The following SEC63 variants were observed in gnomAD, a reference collection of about 807,000 sequenced individuals.
SEC63 encodes translocation protein SEC63 homolog.
A neutral mutation model predicts 116.2 loss-of-function variants in SEC63; 56 were observed. The observed-to-expected ratio is 0.48, with a 90% CI of 0.39 to 0.60. The LOEUF is 0.60. Among genes scored for constraint, SEC63 ranks in the 20% least tolerant of loss-of-function variants. SEC63 has a pLI of 0.00. For missense variants in SEC63, 668 were observed against 900.0 expected (o/e 0.74, Z 3.30); for synonymous variants, 273 against 294.6 (o/e 0.93, Z 0.75).
intron 16 of SEC63, among the ~76,000 whole-genome samples, chr6:107,883,971 C>T (rs147457959): frequency 2.0e-4 from 31 of 151,990 alleles, no homozygotes; most frequent in African/African-American, 6.3e-4. Flanking sequence ...CAGAAACAGG[C>T]GGGACGCAGT....
chr6:107,916,965 C>T (rs754092096), intron 4 of SEC63, among the ~76,000 whole-genome samples: 5 of 152,196 alleles, frequency 3.3e-5, no homozygotes, highest in Admixed American at 6.5e-5. Flanking sequence ...TGGCCATAAA[C>T]TGGCCCCAAG....
intron 8 of SEC63, 34 bp from the exon 9 acceptor site, chr6:107,906,811 A>G (rs770732338): frequency 1.4e-6 from 2 of 1,471,074 alleles, no homozygotes; most frequent in East Asian, 2.3e-5. Flanking sequence ...AGGTAAATAA[A>G]TATGCTCATT....
chr6:107,911,013 T>C (rs1787271969), intron 7 of SEC63, among the ~76,000 whole-genome samples: 1 of 152,024 alleles, frequency 6.6e-6, no homozygotes. Flanking sequence ...GCCCGGTCAG[T>C]TGTGGGTAAT....
At chr6:107,889,242 G>A (rs1247848425) in intron 16 of SEC63, among the ~76,000 whole-genome samples, 6 of 152,010 alleles carry the variant, frequency 3.9e-5, no homozygotes, top group Admixed American at 3.3e-4. Flanking sequence ...TGGTTGGTAG[G>A]GTATTAATTG....
At chr6:107,910,554 T>C (rs541363403) in intron 7 of SEC63, among the ~76,000 whole-genome samples, 4 of 149,914 alleles carry the variant, frequency 2.7e-5, no homozygotes, top group South Asian at 4.2e-4. Context: ...TATACATATA[T>C]GCATGTCATA....
At chr6:107,910,882 G>C (rs1003758334) in intron 7 of SEC63, among the ~76,000 whole-genome samples, 6 of 151,758 alleles carry the variant, frequency 4.0e-5, no homozygotes, top group African/African-American at 1.2e-4. Flanking sequence ...CAGCATGTCT[G>C]ACTAATTTTG....
intron 1 of SEC63, among the ~76,000 whole-genome samples, chr6:107,954,191 A>T (rs1001924230): frequency 6.6e-6 from 1 of 152,116 alleles, no homozygotes; most frequent in African/African-American, 2.4e-5. Context: ...TCTCTGAAAC[A>T]TGTGCTGTGT....
Position 107,871,182 on chromosome 6 carries a change from G to A in SEC63, c.*522C>T, listed in dbSNP as rs1786124445. 1 of 158,008 alleles carries A rather than the reference G, an allele frequency of 6.3e-6. No homozygotes were observed. The allele number at this position is 158,008 out of a possible 1,614,324, so 9.8% of individuals were successfully genotyped here. A position where few individuals can be genotyped will look rare whatever the true frequency, so the allele number is the denominator to read the frequency against. On this transcript the variant is annotated 3_prime_UTR_variant, in exon 21 of 21. Transcript: ENST00000369002. ...GAATGCCAACTTATGACCAAGATAA[G>A]TAAAAATAAAAGTTTAAATCTATGA...
intron 3 of SEC63, among the ~76,000 whole-genome samples, chr6:107,924,606 T>C (rs1787632824): frequency 6.6e-6 from 1 of 152,180 alleles, no homozygotes; most frequent in Non-Finnish European, 1.5e-5. Context: ...AATATTCTTA[T>C]ATTTTAGCAA....
At position 107,908,913 on chromosome 6, in the gene SEC63, TAA is replaced by T. The variant is rs1193510080; in HGVS notation, c.733+12_733+13del. On this transcript the variant is annotated intron_variant, in intron 8 of 20. Transcript: ENST00000369002. ...CAATGTGATTAATAGCAAAGTTACTTAAAGTTTACTTACGTTTCATATCCATA... is the reference window on the plus strand; with the variant it reads ...CAATGTGATTAATAGCAAAGTTACTTAGTTTACTTACGTTTCATATCCATA... The T allele has an allele frequency of 6.7e-7, 1 of 1,500,618 alleles. No homozygotes were observed. The allele number at this position is 1,500,618 out of a possible 1,614,324, so 93.0% of individuals were successfully genotyped here.
At chr6:107,912,354 A>T in intron 6 of SEC63, among the ~76,000 whole-genome samples, 1 of 152,148 alleles carries the variant, frequency 6.6e-6, no homozygotes, top group East Asian at 1.9e-4. Context: ...GCAGGCAGAT[A>T]ACTTGAGGTC....
rs199595843 is a variant in SEC63 at position 107,881,222 on chromosome 6, T to C, written c.1862A>G (p.Gln621Arg). ...TTCCAATAGAGCTCTCTCTTTTCGC[T>C]GTATGCTTTGTTGTAATTCTTGCCA... is the stretch of plus-strand genomic sequence containing the variant. ...AEWQELQQSI[Q>R]RKERALLETK... Residue 621 changes from glutamine (Q) to arginine (R), a missense_variant, in exon 18 of 21, where the codon CAG becomes CGG. By Grantham distance (43) the Gln-to-Arg change is conservative (BLOSUM62 1). This residue lies in a region of SEC63 where 430 missense variants were observed against 557.5 expected (regional missense o/e 0.77). Transcript: ENST00000369002. 1.2e-6 allele frequency: 2 copies of C among 1,612,898 alleles called. No individual in the cohort carries two copies. The highest frequency in any genetic ancestry group is 1.7e-6 in the Non-Finnish European group (2 of 1,179,494).
Position 107,922,757 on chromosome 6 carries a change from G to GA in SEC63, c.340-849dup, listed in dbSNP as rs1380617512. On this transcript the variant is annotated intron_variant, in intron 3 of 20. Transcript: ENST00000369002. ...TTAATGACTATGATCAATGCAATAA[G>GA]AAAAAAATCACATGATATGTAAACT... 1.1e-4 allele frequency among the ~76,000 whole-genome samples: 16 copies of GA among 151,852 alleles called. No homozygotes were observed. The East Asian group carries it at 1.9e-3, about 18-fold the overall frequency.
intron 1 of SEC63, among the ~76,000 whole-genome samples, chr6:107,945,721 A>T (rs1770469255): frequency 6.6e-6 from 1 of 152,188 alleles, no homozygotes; most frequent in Non-Finnish European, 1.5e-5. Flanking sequence ...AAACATTTTT[A>T]AAAGGAAGTC....
chr6:107,886,491 T>C (rs1786532062), intron 16 of SEC63, among the ~76,000 whole-genome samples: 1 of 152,240 alleles, frequency 6.6e-6, no homozygotes, highest in African/African-American at 2.4e-5. Context: ...AAAGTGTTTC[T>C]ATTTCTCCAC....
chr6:107,916,528 T>C (rs1007824285), intron 4 of SEC63, among the ~76,000 whole-genome samples: 3 of 152,256 alleles, frequency 2.0e-5, no homozygotes, highest in Non-Finnish European at 4.4e-5. Context: ...TATAACTTAG[T>C]ATGCTATTGC....
chr6:107,876,054 A>C lies in SEC63; in HGVS notation c.2034+510T>G, dbSNP rs75976434. Among the ~76,000 whole-genome samples the C allele has an allele frequency of 1.2e-3, 184 of 152,296 alleles. 4 individuals are homozygous for C. The East Asian group carries it at 0.028, about 23-fold the overall frequency. On this transcript the variant is annotated intron_variant, in intron 19 of 20. Coordinates refer to ENST00000369002, the MANE Select transcript of SEC63 (RefSeq NM_007214.5). Reference sequence around the variant, plus strand: ...GACAGAACCTTCTTCCTAGAAAAAAAACACACACACAAAAAAAACATGAAA... The same window carrying C: ...GACAGAACCTTCTTCCTAGAAAAAACACACACACACAAAAAAAACATGAAA...
chr6:107,939,970 T>G (rs1297119601), intron 1 of SEC63, among the ~76,000 whole-genome samples: 1 of 152,102 alleles, frequency 6.6e-6, no homozygotes, highest in Non-Finnish European at 1.5e-5. Flanking sequence ...TATGTCTCAT[T>G]CCCAAGGCCA....
intron 13 of SEC63, among the ~76,000 whole-genome samples, chr6:107,900,277 G>C (rs1786970072): frequency 6.6e-6 from 1 of 151,828 alleles, no homozygotes; most frequent in Non-Finnish European, 1.5e-5. Flanking sequence ...TGGGATTAAA[G>C]GCATGACACC....
Sources: allele counts gnomAD v4.1 joint callset (sites outside exome capture counted in the v4.1 genomes callset), GRCh38; gene constraint gnomAD v4.1.1; regional missense constraint gnomAD v4.1.1; transcripts MANE v1.5; gene names NCBI Gene and HGNC (gene_info 2026-07-23, HGNC 2026-07-21).